LETM2: variants seen among roughly 807,000 people sequenced by gnomAD.
The protein encoded by LETM2 is LETM1 domain-containing protein LETM2, mitochondrial.
LETM2 carries 58 observed loss-of-function variants against 59.6 expected under a neutral mutation model. The ratio of observed to expected loss-of-function variants is 0.97; its 90% confidence interval spans 0.79 to 1.21. The LOEUF (loss-of-function observed/expected upper bound fraction) is 1.21, where lower values mean the gene tolerates loss of function less well. Ranked by LOEUF, LETM2 falls within the 50% of genes most tolerant of loss-of-function variation. The pLI, the probability that LETM2 is intolerant of heterozygous loss-of-function variation, is 0.00. For synonymous variants in LETM2, 199 were observed against 214.1 expected (o/e 0.93, Z 0.62); for missense variants, 572 against 575.7 (o/e 0.99, Z 0.07).
intron 3 of LETM2, 175 bp from the exon 4 acceptor site, chr8:38,393,923 G>A (rs953751099): frequency 6.5e-6 from 3 of 463,012 alleles, no homozygotes; most frequent in African/African-American, 4.0e-5. Flanking sequence ...GGGAGGCTGA[G>A]GTGGAAGGAT....
chr8:38,400,507 G>A, intron 5 of LETM2, 98 bp downstream of exon 5: 1 of 1,146,890 alleles, frequency 8.7e-7, no homozygotes, highest in Non-Finnish European at 1.2e-6. Flanking sequence ...ACCATCTTTG[G>A]AATTGCAAAT....
In LETM2 at chr8:38,407,382, G is replaced by A. The variant is rs369530328; in HGVS notation, c.1332G>A (p.Pro444=). 1.1e-5 allele frequency: 18 copies of A among 1,612,486 alleles called. No homozygotes were observed. Among genetic ancestry groups the A allele is most frequent in the South Asian group, 6.6e-5 (6 of 91,054 alleles). The change falls in exon 10 of 11, where the codon CCG becomes CCA. Residue 444 remains proline (P), a synonymous_variant. Coordinates refer to ENST00000379957, the MANE Select transcript of LETM2 (RefSeq NM_001286819.2). ...TTAAGGATGAAGACTTTATACAGCCGCCACCAGTTACATCATCACCCATAA... is the reference window on the plus strand; with the variant it reads ...TTAAGGATGAAGACTTTATACAGCCACCACCAGTTACATCATCACCCATAA... The part of the protein sequence containing the change: ...KGTKDEDFIQ[P]PPVTSSPITP...
upstream of LETM2, chr8:38,386,132 A>C (rs945278106): frequency 6.6e-6 from 1 of 152,220 alleles, no homozygotes; most frequent in East Asian, 1.9e-4. Flanking sequence ...CATCAAAGTG[A>C]TGTCATTCAT....
intron 2 of LETM2, among the ~76,000 whole-genome samples, chr8:38,391,196 A>AC (rs1005029094): frequency 7.1e-6 from 1 of 140,210 alleles, no homozygotes; most frequent in African/African-American, 2.7e-5. Context: ...AAAAAAAAAA[A>AC]AACAAAAAAA....
intron 8 of LETM2, chr8:38,406,392 G>C (rs1210252315): frequency 6.6e-6 from 1 of 152,256 alleles, no homozygotes; most frequent in Non-Finnish European, 1.5e-5. Flanking sequence ...CCGAGGTCAG[G>C]AGTTCAAGAC....
upstream of LETM2, among the ~76,000 whole-genome samples, chr8:38,385,662 C>T (rs576088202): frequency 6.6e-6 from 1 of 152,296 alleles, no homozygotes; most frequent in East Asian, 1.9e-4. Context: ...TCCCAAAGTG[C>T]TGGGATCACA....
At chr8:38,385,074 T>C (rs887990831), upstream of LETM2, among the ~76,000 whole-genome samples, 1 of 152,212 alleles carries the variant, frequency 6.6e-6, no homozygotes, top group Non-Finnish European at 1.5e-5. Context: ...CTTTGTAGAT[T>C]TTAATACTGG....
intron 2 of LETM2, among the ~76,000 whole-genome samples, chr8:38,389,320 G>C (rs552462674): frequency 6.6e-6 from 1 of 152,158 alleles, no homozygotes; most frequent in Non-Finnish European, 1.5e-5. Flanking sequence ...GGGTTCAAGT[G>C]AGTCTCCTGT....
chr8:38,408,181 AATGC>A, intron 10 of LETM2, 27 bp from the exon 11 acceptor site: 1 of 1,589,560 alleles, frequency 6.3e-7, no homozygotes, highest in Non-Finnish European at 8.6e-7. Flanking sequence ...GTCTGTGACT[AATGC>A]CTACAGTCCT....
chr8:38,391,190 A>C (rs1334940786), intron 2 of LETM2, among the ~76,000 whole-genome samples: 4 of 142,524 alleles, frequency 2.8e-5, no homozygotes, highest in Admixed American at 1.4e-4. Context: ...TCAAAAAAAA[A>C]AAAAAAAACA....
chr8:38,394,218 A>G lies in LETM2; in HGVS notation c.622A>G (p.Thr208Ala), dbSNP rs762551516. 4 of 1,490,916 alleles carry G rather than the reference A, an allele frequency of 2.7e-6. No homozygotes were observed. Among genetic ancestry groups the G allele is most frequent in the African/African-American group, 1.4e-5 (1 of 70,916 alleles). 92.4% of individuals were successfully genotyped at this position (1,490,916 alleles called of 1,614,324 possible). ...LKLFPEMLPS[T>A]FESESKKEEK... is the part of the protein sequence containing the mutation. The stretch of plus-strand genomic sequence containing the variant: ...ACTCTTCCCAGAGATGTTGCCATCA[A>G]CTTTTGAAAGTGAATCCAAAAAGGT... Residue 208 changes from threonine to alanine, a missense_variant, in exon 4 of 11, where the codon ACT (threonine) becomes GCT (alanine). Transcript: ENST00000379957.
intron 4 of LETM2, among the ~76,000 whole-genome samples, chr8:38,400,023 C>G (rs1813054107): frequency 6.6e-6 from 1 of 151,964 alleles, no homozygotes; most frequent in Admixed American, 6.6e-5. Context: ...ATTGGGGGAA[C>G]ATTTTGGATC....
intron 2 of LETM2, among the ~76,000 whole-genome samples, chr8:38,388,634 C>T (rs1246286106): frequency 2.7e-5 from 4 of 149,028 alleles, no homozygotes; most frequent in Admixed American, 6.7e-5. Flanking sequence ...ACAGGAGAAT[C>T]GCTTGAACCT....
rs551201641 is a variant in LETM2, at chr8:38,389,767, G to C, written c.47+1737G>C. ...TGTAATCCCAACACTTTGGGAGGCC[G>C]AGGCGGGTGGACCACAAGGTCAAGA... On this transcript the variant is annotated intron_variant, in intron 2 of 10. Transcript: ENST00000379957. 2.2e-3 allele frequency among the ~76,000 whole-genome samples: 331 copies of C among 151,920 alleles called. 6 individuals carry two copies. Among genetic ancestry groups the C allele is most frequent in the Middle Eastern group, 0.01 (3 of 294 alleles).
At chr8:38,383,078 G>A (rs925746264), upstream of LETM2, 4 of 152,264 alleles carry the variant, frequency 2.6e-5, no homozygotes, top group Admixed American at 6.5e-5. Flanking sequence ...AGCCGCGGGG[G>A]ACCGCGACGG....
At chr8:38,407,728 T>A (rs762900854) in intron 10 of LETM2, among the ~76,000 whole-genome samples, 7 of 152,232 alleles carry the variant, frequency 4.6e-5, no homozygotes, top group Non-Finnish European at 1.0e-4. Context: ...TTTTTTCTTA[T>A]GTGCCAGGTG....
chr8:38,394,391 T>C (rs532312143), intron 4 of LETM2, 150 bp downstream of exon 4: 1 of 463,886 alleles, frequency 2.2e-6, no homozygotes, highest in Admixed American at 3.8e-5. Context: ...GTGTGCTATA[T>C]TTGTAATGAT....
upstream of LETM2, among the ~76,000 whole-genome samples, chr8:38,383,860 G>A (rs1434356578): frequency 6.6e-6 from 1 of 151,312 alleles, no homozygotes; most frequent in East Asian, 1.9e-4. Flanking sequence ...AACCCGGGAA[G>A]CGGAGCTTGC....
intron 2 of LETM2, among the ~76,000 whole-genome samples, chr8:38,390,840 G>A (rs1190792489): frequency 3.3e-5 from 5 of 150,318 alleles, no homozygotes; most frequent in Non-Finnish European, 7.4e-5. Context: ...ACTCCACCAC[G>A]CCCAGCTAAT....
Sources: gnomAD v4.1 joint callset for allele counts (sites outside exome capture counted in the v4.1 genomes callset) on GRCh38, gnomAD v4.1.1 for gene constraint, MANE v1.5 for transcripts, NCBI Gene and HGNC (gene_info 2026-07-23, HGNC 2026-07-21) for gene names.